LURAP1L: variants seen among roughly 807,000 people sequenced by gnomAD.
LURAP1L encodes the protein leucine rich adaptor protein 1 like, also known as leucine rich adaptor protein 1-like.
A neutral mutation model predicts 13.8 loss-of-function variants in LURAP1L; 12 were observed. The ratio of observed to expected loss-of-function variants is 0.87; its 90% CI spans 0.56 to 1.41. The LOEUF (loss-of-function observed/expected upper bound fraction) is 1.41. LURAP1L is among the 40% of genes most tolerant of loss of function. The pLI is 0.00. For missense variants in LURAP1L, 375 were observed against 292.9 expected, an observed-to-expected ratio of 1.28 and a Z score of -2.04; for synonymous variants, 139 against 119.2, an observed-to-expected ratio of 1.17 and a Z score of -1.08.
At position 12,786,574 on chromosome 9, in the gene LURAP1L, A is replaced by ATG. The variant is rs1348988075; in HGVS notation, c.312+10548_312+10549insGT. 2.8e-3 allele frequency among the ~76,000 whole-genome samples: 358 copies of ATG among 128,758 alleles called. 18 individuals carry two copies. The highest frequency in any genetic ancestry group is 0.021 in the Middle Eastern group (5 of 234). The allele number at this position is 128,758 out of a possible 152,430, so 84.5% of individuals were successfully genotyped here. A position where few individuals can be genotyped will look rare whatever the true frequency, so the allele number is the denominator to read the frequency against. On this transcript the variant is annotated intron_variant, in intron 1 of 1. Coordinates refer to ENST00000319264, the MANE Select transcript of LURAP1L (RefSeq NM_203403.2). Reference sequence around the variant, plus strand: ...TATATATATATATATATATATATATATATATATAAACCCTTGTGCCTTAAG... The same window carrying ATG: ...TATATATATATATATATATATATATATGTATATATAAACCCTTGTGCCTTAAG...
At chr9:12,790,227 C>T (rs933977428) in intron 1 of LURAP1L, among the ~76,000 whole-genome samples, 3 of 152,138 alleles carry the variant, frequency 2.0e-5, no homozygotes, top group African/African-American at 7.2e-5. Flanking sequence ...AAATTTTAGG[C>T]TCCCTCTCTT....
chr9:12,786,547 C>T lies in LURAP1L; in HGVS notation c.312+10520C>T, dbSNP rs1252532843. On this transcript the variant is annotated intron_variant, in intron 1 of 1. Transcript: ENST00000319264. ...AAATGGCTAACATGTATATATATGA[C>T]ATATATATATATATATATATATATA... Among the ~76,000 whole-genome samples, 33 of 53,028 alleles carry T rather than the reference C, an allele frequency of 6.2e-4. 1 individual carries two copies. Among genetic ancestry groups the T allele is most frequent in the African/African-American group, 2.1e-3 (26 of 12,206 alleles). 34.8% of individuals were successfully genotyped at this position (53,028 alleles called of 152,430 possible). A position where few individuals can be genotyped will look rare whatever the true frequency, so the allele number is the denominator to read the frequency against.
intron 1 of LURAP1L, among the ~76,000 whole-genome samples, chr9:12,787,511 G>A (rs1489556511): frequency 6.6e-6 from 1 of 152,080 alleles, no homozygotes; most frequent in Non-Finnish European, 1.5e-5. Context: ...ACAGGCAAGA[G>A]CATCATAGGA....
chr9:12,820,547 A>C (rs1056839907), intron 1 of LURAP1L, among the ~76,000 whole-genome samples: 6 of 139,054 alleles, frequency 4.3e-5, no homozygotes, highest in Non-Finnish European at 9.2e-5. Context: ...CCTAGAAGGC[A>C]CATAAGGGAA....
At chr9:12,784,442 C>G (rs751300158) in intron 1 of LURAP1L, among the ~76,000 whole-genome samples, 9 of 152,180 alleles carry the variant, frequency 5.9e-5, no homozygotes, top group African/African-American at 2.2e-4. Flanking sequence ...ATGACTCTTG[C>G]AGACTAACAG....
chr9:12,778,149 C>A (rs1819217640), intron 1 of LURAP1L, among the ~76,000 whole-genome samples: 1 of 152,106 alleles, frequency 6.6e-6, no homozygotes, highest in African/African-American at 2.4e-5. Context: ...CTGGTGGAAG[C>A]TTCGTAAGCT....
chr9:12,790,903 T>C (rs2118489766), intron 1 of LURAP1L: 1 of 152,292 alleles, frequency 6.6e-6, no homozygotes, highest in Admixed American at 6.5e-5. Context: ...ATATTACACA[T>C]ATTGACAAAT....
At chr9:12,777,156 T>G in intron 1 of LURAP1L, 1 of 711,736 alleles carries the variant, frequency 1.4e-6, no homozygotes, top group Non-Finnish European at 1.7e-6. Context: ...TTCTATCGTT[T>G]AGTTATTATA....
chr9:12,798,629 A>G (rs977555937), intron 1 of LURAP1L, among the ~76,000 whole-genome samples: 2 of 152,232 alleles, frequency 1.3e-5, no homozygotes, highest in Non-Finnish European at 2.9e-5. Flanking sequence ...CTTCAAAGCT[A>G]GAAGTGATGA....
chr9:12,792,117 T>G (rs756035663), intron 1 of LURAP1L, among the ~76,000 whole-genome samples: 1 of 152,178 alleles, frequency 6.6e-6, no homozygotes, highest in Non-Finnish European at 1.5e-5. Flanking sequence ...TCACAAATCA[T>G]CTTTTCAGCC....
rs138233275 is a variant in LURAP1L, at chr9:12,821,472, A to G, written c.399A>G (p.Glu133=). Residue 133 remains glutamate, a synonymous_variant, in exon 2 of 2, where the codon GAA becomes GAG. Coordinates refer to ENST00000319264, the MANE Select transcript of LURAP1L (RefSeq NM_203403.2). The part of the protein sequence containing the change: ...ESIESIKWMI[E]EKATITSRGS... The stretch of plus-strand genomic sequence containing the variant: ...TCGAGTCCATCAAGTGGATGATCGA[A>G]GAAAAAGCCACCATTACCAGCAGAG... 15 of 1,614,060 alleles carry G rather than the reference A, an allele frequency of 9.3e-6. No individual in the cohort carries two copies. The highest frequency in any genetic ancestry group is 1.6e-4 in the Middle Eastern group (1 of 6,084).
intron 1 of LURAP1L, among the ~76,000 whole-genome samples, chr9:12,808,171 T>C (rs1158941414): frequency 6.6e-6 from 1 of 151,254 alleles, no homozygotes; most frequent in East Asian, 1.9e-4. Flanking sequence ...TGCTCTTCCA[T>C]TTTTTTTAAT....
At chr9:12,779,062 GTCTC>G (rs796795219) in intron 1 of LURAP1L, among the ~76,000 whole-genome samples, 21 of 151,898 alleles carry the variant, frequency 1.4e-4, no homozygotes, top group African/African-American at 2.9e-4. Flanking sequence ...CTATGTGAAT[GTCTC>G]TCTCTCTCTT....
chr9:12,802,034 G>A (rs1563894187), intron 1 of LURAP1L, among the ~76,000 whole-genome samples: 2 of 152,170 alleles, frequency 1.3e-5, no homozygotes, highest in South Asian at 4.1e-4. Context: ...TTGAGTACTA[G>A]AAGAGTTAGC....
intron 1 of LURAP1L, among the ~76,000 whole-genome samples, chr9:12,820,500 C>G (rs1480787417): frequency 4.7e-4 from 3 of 6,358 alleles, no homozygotes; most frequent in Non-Finnish European, 1.5e-3. Context: ...GAGACTCCGT[C>G]CCCCCCCCCC....
chr9:12,822,754 T>C lies in LURAP1L; in HGVS notation c.*994T>C, dbSNP rs940534275. ...AATCTCTAAGTTTTCTGAAATGGAA[T>C]ATTTAACGCACATAGACAGTGGATA... On this transcript the variant is annotated 3_prime_UTR_variant, in exon 2 of 2. Transcript: ENST00000319264. Among the ~76,000 whole-genome samples the C allele has an allele frequency of 6.6e-6, 1 of 152,192 alleles. No homozygotes were observed. Among genetic ancestry groups the C allele is most frequent in the African/African-American group, 2.4e-5 (1 of 41,464 alleles).
At chr9:12,781,604 G>A (rs1057049978) in intron 1 of LURAP1L, among the ~76,000 whole-genome samples, 1 of 152,026 alleles carries the variant, frequency 6.6e-6, no homozygotes, top group African/African-American at 2.4e-5. Flanking sequence ...CTTTTCTTCT[G>A]GCTGATTAGT....
chr9:12,782,868 T>A (rs1191196878), intron 1 of LURAP1L, among the ~76,000 whole-genome samples: 1 of 152,172 alleles, frequency 6.6e-6, no homozygotes, highest in East Asian at 1.9e-4. Context: ...TATCTTTTCA[T>A]CTTTTTGTGT....
chr9:12,779,415 C>T (rs1201156513), intron 1 of LURAP1L, among the ~76,000 whole-genome samples: 1 of 151,846 alleles, frequency 6.6e-6, no homozygotes, highest in Admixed American at 6.6e-5. Flanking sequence ...GCTGGGACTA[C>T]AGGCACCTGC....
Sources: gnomAD v4.1 joint callset for allele counts (sites outside exome capture counted in the v4.1 genomes callset) on GRCh38, gnomAD v4.1.1 for gene constraint, MANE v1.5 for transcripts, NCBI Gene and HGNC (gene_info 2026-07-23, HGNC 2026-07-21) for gene names.